MEP1B: variants seen among roughly 807,000 people sequenced by gnomAD.
MEP1B encodes the protein N-benzoyl-L-tyrosyl-P-amino-benzoic acid hydrolase subunit beta.
In MEP1B, 80 loss-of-function variants were observed where a neutral mutation model predicts 84.6. That is an observed-to-expected ratio of 0.95 (90% CI 0.79 to 1.14). MEP1B has a LOEUF of 1.14. MEP1B is among the 50% of genes most tolerant of loss of function. MEP1B has a pLI of 0.00. For missense variants in MEP1B, 766 were observed against 855.1 expected, an observed-to-expected ratio of 0.90 and a Z score of 1.30; for synonymous variants, 273 against 288.1, an observed-to-expected ratio of 0.95 and a Z score of 0.53.
chr18:32,216,973 T>G lies in MEP1B; in HGVS notation c.1760-18T>G. ...AACAAAAGCTGATTTCCATCCACAC[T>G]CTTCCCCATCTTCCTAGACATATCT... On this transcript the variant is annotated intron_variant, in intron 12 of 14. Coordinates refer to ENST00000269202, the MANE Select transcript of MEP1B (RefSeq NM_005925.3). The G allele has an allele frequency of 6.2e-7, 1 of 1,612,268 alleles. No individual in the cohort carries two copies. The highest frequency in any genetic ancestry group is 8.5e-7 in the Non-Finnish European group (1 of 1,179,026).
At chr18:32,218,239 T>A (rs548241925) in intron 14 of MEP1B, among the ~76,000 whole-genome samples, 4 of 152,136 alleles carry the variant, frequency 2.6e-5, no homozygotes, top group South Asian at 4.1e-4. Flanking sequence ...TGTGGGGTGG[T>A]CTGTGACCTG....
In MEP1B at chr18:32,204,213, G is replaced by A. The variant is rs765124589; in HGVS notation, c.400G>A (p.Gly134Arg). 2 of 1,606,556 alleles carry A rather than the reference G, an allele frequency of 1.2e-6. No individual in the cohort carries two copies. Among genetic ancestry groups the A allele is most frequent in the Non-Finnish European group, 1.7e-6 (2 of 1,176,718 alleles). The stretch of plus-strand genomic sequence containing the variant: ...GTCTTCAGTAGGAAATAGGCGGGTT[G>A]GGAAGCAAGAACTTTCCATCGGGGC... ...CWSSVGNRRV[G>R]KQELSIGANC... The change falls in exon 7 of 15, where the codon GGG (glycine) becomes AGG (arginine). Residue 134 changes from glycine to arginine, a missense_variant. Physicochemically the swap from Gly to Arg is moderately radical, Grantham distance 125 (BLOSUM62 -2). Transcript: ENST00000269202.
chr18:32,204,912 A>T lies in MEP1B; in HGVS notation c.547+552A>T, dbSNP rs2040949173. 2.0e-5 allele frequency among the ~76,000 whole-genome samples: 3 copies of T among 152,202 alleles called. No homozygotes were observed. In the South Asian group the frequency reaches 6.2e-4, roughly 32 times the overall value. On this transcript the variant is annotated intron_variant, in intron 7 of 14. Coordinates refer to ENST00000269202, the MANE Select transcript of MEP1B (RefSeq NM_005925.3). ...CCTGCAGTAGCAAACCTACTTCTGCAGCAATGGGATTAATCCATTTATGAG... is the reference window on the plus strand; with the variant it reads ...CCTGCAGTAGCAAACCTACTTCTGCTGCAATGGGATTAATCCATTTATGAG...
chr18:32,212,832 C>T (rs2041041745), intron 10 of MEP1B, among the ~76,000 whole-genome samples: 1 of 152,112 alleles, frequency 6.6e-6, no homozygotes, highest in African/African-American at 2.4e-5. Flanking sequence ...GCATGAAGTA[C>T]TCATGAGCTA....
intron 10 of MEP1B, among the ~76,000 whole-genome samples, chr18:32,211,616 C>A (rs149379284): frequency 6.6e-6 from 1 of 152,100 alleles, no homozygotes; most frequent in Admixed American, 6.5e-5. Flanking sequence ...ATACTTATGT[C>A]TTAAGTTAAA....
At chr18:32,217,560 G>T (rs1256018189) in intron 13 of MEP1B, among the ~76,000 whole-genome samples, 1 of 152,112 alleles carries the variant, frequency 6.6e-6, no homozygotes, top group Non-Finnish European at 1.5e-5. Context: ...CAGATTAGGA[G>T]GAATTCCATT....
At chr18:32,197,612 C>T (rs1422368820) in intron 5 of MEP1B, among the ~76,000 whole-genome samples, 1 of 151,964 alleles carries the variant, frequency 6.6e-6, no homozygotes. Context: ...TAGAGATGGG[C>T]TTTCACCATG....
intron 6 of MEP1B, among the ~76,000 whole-genome samples, chr18:32,203,659 AG>A (rs1168284201): frequency 6.6e-6 from 1 of 152,164 alleles, no homozygotes; most frequent in African/African-American, 2.4e-5. Context: ...CAGAAATACC[AG>A]GGACTCGGTA....
intron 5 of MEP1B, among the ~76,000 whole-genome samples, chr18:32,202,473 A>G (rs979596502): frequency 9.8e-5 from 15 of 152,296 alleles, no homozygotes; most frequent in Admixed American, 5.9e-4. Context: ...ATACTATTTC[A>G]GGGTATTCAT....
intron 8 of MEP1B, 92 bp from the exon 9 acceptor site, chr18:32,208,027 C>T (rs1214252402): frequency 1.5e-6 from 2 of 1,347,612 alleles, no homozygotes; most frequent in Non-Finnish European, 1.0e-6. Context: ...GTAATACCAA[C>T]CTGGCATTTC....
At chr18:32,200,199 C>T (rs1446940235) in intron 5 of MEP1B, among the ~76,000 whole-genome samples, 1 of 151,952 alleles carries the variant, frequency 6.6e-6, no homozygotes, top group Non-Finnish European at 1.5e-5. Context: ...AATTGATAAG[C>T]ATATGTATAT....
At chr18:32,199,615 T>C (rs2040888621) in intron 5 of MEP1B, among the ~76,000 whole-genome samples, 1 of 152,132 alleles carries the variant, frequency 6.6e-6, no homozygotes, top group African/African-American at 2.4e-5. Context: ...GTCTTTTGAT[T>C]AAAAAATTTT....
chr18:32,217,223 C>A, intron 13 of MEP1B, 106 bp downstream of exon 13: 1 of 1,293,634 alleles, frequency 7.7e-7, no homozygotes, highest in Non-Finnish European at 1.1e-6. Flanking sequence ...TCAGTTGATT[C>A]TCATCTCACA....
In MEP1B at chr18:32,208,240, G is replaced by C. The variant is rs1023001945; in HGVS notation, c.888G>C (p.Glu296Asp). Residue 296 changes from glutamate (E) to aspartate (D), a missense_variant, in exon 9 of 15, where the codon GAG (glutamate) becomes GAC (aspartate). Coordinates refer to ENST00000269202, the MANE Select transcript of MEP1B (RefSeq NM_005925.3). Reference protein sequence around the residue: ...QRVSQVPRGPESDHSNMGQCQ... With the variant: ...QRVSQVPRGPDSDHSNMGQCQ... Reference sequence around the variant, plus strand: ...TTTCACAGGTTCCCAGGGGGCCAGAGAGTGATCACTCCAACATGGGCCAGT... The same window carrying C: ...TTTCACAGGTTCCCAGGGGGCCAGACAGTGATCACTCCAACATGGGCCAGT... 9 of 1,613,884 alleles carry C rather than the reference G, an allele frequency of 5.6e-6. No homozygotes were observed. The highest frequency in any genetic ancestry group is 7.6e-6 in the Non-Finnish European group (9 of 1,179,816).
chr18:32,207,552 C>G (rs1351939115), intron 8 of MEP1B, 82 bp downstream of exon 8: 2 of 932,362 alleles, frequency 2.1e-6, no homozygotes, highest in East Asian at 5.3e-5. Flanking sequence ...TTTTGTCAAG[C>G]ATTGGTGGGG....
rs1480127599 is a variant in MEP1B, at chr18:32,217,864, T to C, written c.1990T>C (p.Phe664Leu). Residue 664 changes from phenylalanine (F) to leucine (L), a missense_variant, in exon 14 of 15, where the codon TTT becomes CTT. Phe to Leu is a conservative substitution (Grantham distance 22, BLOSUM62 0). Coordinates refer to ENST00000269202, the MANE Select transcript of MEP1B (RefSeq NM_005925.3). ...VIAVSSTVAV[F>L]ALMLIITLVS... ...TGCTGTTTCATCTACTGTTGCTGTG[T>C]TTGCCTTGATGCTGATCATCACCCT... The C allele has an allele frequency of 6.2e-7, 1 of 1,613,848 alleles. No individual in the cohort carries two copies.
intron 14 of MEP1B, among the ~76,000 whole-genome samples, chr18:32,218,833 T>C (rs1291115206): frequency 6.6e-6 from 1 of 151,856 alleles, no homozygotes; most frequent in Non-Finnish European, 1.5e-5. Context: ...CAACGGCCTT[T>C]GGGGGAGGGC....
At chr18:32,217,693 C>CT (rs2041106426) in intron 13 of MEP1B, 68 bp from the exon 14 acceptor site, 9 of 1,307,692 alleles carry the variant, frequency 6.9e-6, no homozygotes, top group Non-Finnish European at 9.8e-6. Context: ...TGATCCACAT[C>CT]TTTAACTGTG....
chr18:32,210,745 A>G, intron 10 of MEP1B, 29 bp downstream of exon 10: 1 of 1,582,092 alleles, frequency 6.3e-7, no homozygotes. Context: ...TATTGTCTGG[A>G]TTTAAAATGA....
Sources: allele counts gnomAD v4.1 joint callset (sites outside exome capture counted in the v4.1 genomes callset), GRCh38; gene constraint gnomAD v4.1.1; transcripts MANE v1.5; gene names NCBI Gene and HGNC (gene_info 2026-07-23, HGNC 2026-07-21).